Variants in PID1 observed in about 807,000 individuals in gnomAD.
The protein encoded by PID1 is phosphotyrosine interaction domain containing 1.
PID1 carries 10 observed loss-of-function variants against 19.1 expected under a neutral mutation model. The observed-to-expected ratio is 0.52, with a 90% confidence interval of 0.32 to 0.89. The LOEUF is 0.89. PID1 is among the 40% of genes least tolerant of loss of function. PID1 has a pLI of 0.03. For missense variants in PID1, 248 were observed against 285.3 expected (o/e 0.87, Z 0.94); for synonymous variants, 130 against 116.0 (o/e 1.12, Z -0.78).
At chr2:229,047,991 A>C (rs1487483825) in intron 2 of PID1, among the ~76,000 whole-genome samples, 1 of 152,228 alleles carries the variant, frequency 6.6e-6, no homozygotes, top group East Asian at 1.9e-4. Context: ...GAAGAAACCA[A>C]GATGTCCCTT....
At chr2:229,123,643 G>A (rs1024282181) in intron 2 of PID1, among the ~76,000 whole-genome samples, 1 of 152,170 alleles carries the variant, frequency 6.6e-6, no homozygotes, top group African/African-American at 2.4e-5. Flanking sequence ...CCCACCAGCA[G>A]TGTTTGGGGG....
chr2:229,191,129 G>A (rs1023723447), intron 1 of PID1, among the ~76,000 whole-genome samples: 12 of 152,152 alleles, frequency 7.9e-5, no homozygotes, highest in African/African-American at 2.9e-4. Flanking sequence ...ATTCTTTGTT[G>A]AGGGACCGTC....
intron 2 of PID1, 78 bp from the exon 3 acceptor site, chr2:229,026,186 T>C: frequency 1.1e-6 from 1 of 929,778 alleles, no homozygotes; most frequent in Non-Finnish European, 1.7e-6. Flanking sequence ...GAGTAGCTGT[T>C]CCACACAGTC....
chr2:229,262,635 A>G, intron 1 of PID1: 1 of 1,542,488 alleles, frequency 6.5e-7, no homozygotes, highest in Non-Finnish European at 8.7e-7. Context: ...GTTGTAACAA[A>G]TAACCATAAA....
At chr2:229,105,760 T>C (rs939918581) in intron 2 of PID1, among the ~76,000 whole-genome samples, 29 of 152,172 alleles carry the variant, frequency 1.9e-4, no homozygotes, top group African/African-American at 5.5e-4. Context: ...ACAGCTGGAA[T>C]TGGCATTTGC....
intron 2 of PID1, among the ~76,000 whole-genome samples, chr2:229,039,777 C>T (rs1373681181): frequency 6.6e-6 from 1 of 152,104 alleles, no homozygotes; most frequent in African/African-American, 2.4e-5. Flanking sequence ...TGCAGAGAAA[C>T]AGACACTCAT....
At chr2:229,080,751 A>G (rs1694653346) in intron 2 of PID1, among the ~76,000 whole-genome samples, 1 of 152,228 alleles carries the variant, frequency 6.6e-6, no homozygotes, top group South Asian at 2.1e-4. Context: ...TGTTGCCCAA[A>G]TCAAAATGCA....
intron 2 of PID1, among the ~76,000 whole-genome samples, chr2:229,091,485 G>A (rs1309559132): frequency 1.3e-5 from 2 of 152,104 alleles, no homozygotes; most frequent in Admixed American, 1.3e-4. Flanking sequence ...CGAAGTGACG[G>A]TATGAAGATG....
intron 1 of PID1, among the ~76,000 whole-genome samples, chr2:229,201,123 C>T (rs1186194064): frequency 6.6e-6 from 1 of 151,990 alleles, no homozygotes; most frequent in Non-Finnish European, 1.5e-5. Flanking sequence ...TGGTAAAATA[C>T]AAATAACTTA....
intron 2 of PID1, among the ~76,000 whole-genome samples, chr2:229,145,156 T>TGTGTGTGTGTATATAC (rs1491323450): frequency 7.7e-3 from 76 of 9,808 alleles, no homozygotes; most frequent in Admixed American, 9.6e-3. Context: ...TATGTATGTG[T>TGTGTGTGTGTATATAC]ATATATATAT....
At chr2:229,177,062 A>G (rs930406401) in intron 1 of PID1, among the ~76,000 whole-genome samples, 1 of 152,224 alleles carries the variant, frequency 6.6e-6, no homozygotes, top group African/African-American at 2.4e-5. Flanking sequence ...AGCAGACAAG[A>G]GAAGAGAACT....
chr2:229,084,967 C>T (rs1694737205), intron 2 of PID1, among the ~76,000 whole-genome samples: 1 of 152,096 alleles, frequency 6.6e-6, no homozygotes, highest in Non-Finnish European at 1.5e-5. Flanking sequence ...CGAGTCACCT[C>T]TTTTTAAAAC....
At chr2:229,265,122 A>T (rs1690558812) in intron 1 of PID1, among the ~76,000 whole-genome samples, 1 of 152,242 alleles carries the variant, frequency 6.6e-6, no homozygotes, top group South Asian at 2.1e-4. Flanking sequence ...ATAAAGAGAC[A>T]GATATGCTTT....
At chr2:229,159,594 G>A (rs12463823) in intron 1 of PID1, among the ~76,000 whole-genome samples, 48,776 of 151,836 alleles carry the variant, frequency 0.32, 8,552 homozygotes, top group East Asian at 0.69. Flanking sequence ...ACCCCCACAA[G>A]TGCATATGCC....
chr2:229,261,586 A>G (rs558582085), intron 1 of PID1, among the ~76,000 whole-genome samples: 2 of 152,318 alleles, frequency 1.3e-5, no homozygotes, highest in African/African-American at 4.8e-5. Context: ...AACTCTGAGG[A>G]AAGGTTTGTC....
chr2:229,149,649 C>A (rs1308094063), intron 2 of PID1, among the ~76,000 whole-genome samples: 1 of 152,156 alleles, frequency 6.6e-6, no homozygotes, highest in African/African-American at 2.4e-5. Flanking sequence ...GTTTACAGAT[C>A]ATTAACTCCT....
At chr2:229,209,902 C>A (rs1691689860) in intron 1 of PID1, among the ~76,000 whole-genome samples, 1 of 152,118 alleles carries the variant, frequency 6.6e-6, no homozygotes, top group Admixed American at 6.5e-5. Flanking sequence ...CTTAGGATCA[C>A]ATTGATAGCA....
intron 2 of PID1, among the ~76,000 whole-genome samples, chr2:229,097,900 G>A (rs916510950): frequency 1.3e-4 from 20 of 152,168 alleles, no homozygotes; most frequent in Admixed American, 1.2e-3. Flanking sequence ...CTGCCAGTTC[G>A]ATAGAGCATA....
intron 2 of PID1, among the ~76,000 whole-genome samples, chr2:229,085,606 C>T (rs1694748197): frequency 6.6e-6 from 1 of 152,036 alleles, no homozygotes; most frequent in Non-Finnish European, 1.5e-5. Flanking sequence ...TTAGAAGATA[C>T]CCATGAAGAA....
Sources: allele counts gnomAD v4.1 joint callset (sites outside exome capture counted in the v4.1 genomes callset), GRCh38; gene constraint gnomAD v4.1.1; transcripts MANE v1.5; gene names NCBI Gene and HGNC (gene_info 2026-07-23, HGNC 2026-07-21).